Variants in DCC observed in about 807,000 individuals in gnomAD.
DCC encodes the protein netrin receptor DCC.
A neutral mutation model predicts 172.5 loss-of-function variants in DCC; 58 were observed. The observed-to-expected ratio is 0.34, with a 90% CI of 0.27 to 0.42. The LOEUF (loss-of-function observed/expected upper bound fraction) is 0.42. Ranked by LOEUF, DCC falls within the 10% of genes least tolerant of loss-of-function variation. DCC has a pLI of 1.00. For synonymous variants in DCC, 709 were observed against 644.5 expected (o/e 1.10, Z -1.52); for missense variants, 1,740 against 1,791.0 (o/e 0.97, Z 0.51).
intron 2 of DCC, among the ~76,000 whole-genome samples, chr18:52,834,281 T>C (rs8094748): frequency 0.44 from 66,725 of 151,742 alleles, 14,795 homozygotes; most frequent in South Asian, 0.55. Context: ...TCTCATATCT[T>C]AACGGAAACA....
chr18:52,416,406 G>C (rs1987031019), intron 1 of DCC, among the ~76,000 whole-genome samples: 1 of 152,082 alleles, frequency 6.6e-6, no homozygotes, highest in South Asian at 2.1e-4. Context: ...GTGCAGAGCT[G>C]AGTTCAATTC....
chr18:53,260,990 GA>G (rs2056591014), intron 12 of DCC, among the ~76,000 whole-genome samples: 2 of 152,110 alleles, frequency 1.3e-5, no homozygotes, highest in Non-Finnish European at 2.9e-5. Context: ...GTGGGCCTTG[GA>G]CCCTCCACGC....
chr18:52,368,587 A>G (rs964887601), intron 1 of DCC, among the ~76,000 whole-genome samples: 1 of 152,154 alleles, frequency 6.6e-6, no homozygotes, highest in Non-Finnish European at 1.5e-5. Context: ...AGTTGCTGAG[A>G]CTTACAAGTG....
chr18:52,642,014 G>GTA (rs1193018662), intron 1 of DCC, among the ~76,000 whole-genome samples: 1,182 of 34,468 alleles, frequency 0.034, 26 homozygotes, highest in African/African-American at 0.098. Context: ...GTGTGTGTGT[G>GTA]TATATATATA....
chr18:52,667,400 C>A (rs2035474822), intron 1 of DCC, among the ~76,000 whole-genome samples: 1 of 152,186 alleles, frequency 6.6e-6, no homozygotes, highest in East Asian at 1.9e-4. Flanking sequence ...GCCTTCCAAC[C>A]ATGACACGAG....
In DCC at chr18:53,339,825, T is replaced by G. The variant is rs2278339; in HGVS notation, c.2277T>G (p.Ile759Met). The change falls in exon 15 of 29, where the codon ATT becomes ATG. Residue 759 changes from isoleucine (I) to methionine (M), a missense_variant. Ile to Met is a conservative substitution (Grantham distance 10). Around this residue, in one of 2 missense-constraint regions of DCC, gnomAD observed 1,732 missense variants for 1,767.4 expected, o/e 0.98. Transcript: ENST00000442544. Reference protein sequence around the residue: ...LNPNIVVRGYIIGYGVGSPYA... With the variant: ...LNPNIVVRGYMIGYGVGSPYA... The stretch of plus-strand genomic sequence containing the variant: ...CAAACATCGTGGTGCGAGGTTATAT[T>G]ATCGGTTATGGCGTTGGGAGCCCTT... 8.4e-4 allele frequency: 1,354 copies of G among 1,614,034 alleles called. 26 individuals are homozygous for G. In the East Asian group the frequency reaches 0.027, roughly 32 times the overall value.
chr18:53,445,863 C>T (rs1395118208), intron 22 of DCC, among the ~76,000 whole-genome samples: 1 of 151,840 alleles, frequency 6.6e-6, no homozygotes, highest in Non-Finnish European at 1.5e-5. Flanking sequence ...ACATCTAGGT[C>T]TTGATTACTC....
In DCC at chr18:52,937,891, C is replaced by G. The variant is rs1411406051; in HGVS notation, c.985+12521C>G. Among the ~76,000 whole-genome samples, 3 of 152,028 alleles carry G rather than the reference C, an allele frequency of 2.0e-5. No individual in the cohort carries two copies. In the East Asian group the frequency reaches 5.8e-4, roughly 29 times the overall value. On this transcript the variant is annotated intron_variant, in intron 5 of 28. Coordinates refer to ENST00000442544, the MANE Select transcript of DCC (RefSeq NM_005215.4). ...ACACTTGAGGGTGTTATTGGGTAAG[C>G]GGCCATGACATATCATTCGGACTCT... is the stretch of plus-strand genomic sequence containing the variant.
intron 1 of DCC, among the ~76,000 whole-genome samples, chr18:52,656,938 G>A (rs1276154313): frequency 6.6e-6 from 1 of 152,078 alleles, no homozygotes; most frequent in African/African-American, 2.4e-5. Flanking sequence ...CTCTTGGACA[G>A]CATGCTGTCC....
At chr18:53,367,344 A>C (rs567394235) in intron 15 of DCC, among the ~76,000 whole-genome samples, 5 of 152,254 alleles carry the variant, frequency 3.3e-5, no homozygotes, top group African/African-American at 1.2e-4. Context: ...CAACAAAACA[A>C]TAAGAGTGCT....
rs555744489 is a variant in DCC at position 52,877,946 on chromosome 18, T to A, written c.413-28098T>A. On this transcript the variant is annotated intron_variant, in intron 2 of 28. Coordinates refer to ENST00000442544, the MANE Select transcript of DCC (RefSeq NM_005215.4). ...ATGATAATGTAAAGAGTATACTGTT[T>A]CCTGAGTATTTTGTTCCATTTCTAT... Among the ~76,000 whole-genome samples the A allele has an allele frequency of 2.0e-5, 3 of 152,236 alleles. 1 individual carries two copies. The highest frequency in any genetic ancestry group is 6.5e-5 in the Admixed American group (1 of 15,292).
chr18:52,988,313 G>A (rs953444483), intron 5 of DCC, among the ~76,000 whole-genome samples: 1 of 151,806 alleles, frequency 6.6e-6, no homozygotes, highest in African/African-American at 2.4e-5. Flanking sequence ...TTATTAAACA[G>A]AGATAAAACA....
chr18:53,383,565 A>G (rs1907926252), intron 15 of DCC, among the ~76,000 whole-genome samples: 1 of 149,050 alleles, frequency 6.7e-6, no homozygotes, highest in Non-Finnish European at 1.5e-5. Context: ...CATGTTTTCT[A>G]CTTTAAGAAT....
intron 1 of DCC, among the ~76,000 whole-genome samples, chr18:52,653,887 A>G (rs891233599): frequency 6.6e-6 from 1 of 152,132 alleles, no homozygotes; most frequent in Admixed American, 6.5e-5. Context: ...ATCTTCTTGC[A>G]TCTTAATTCA....
chr18:53,512,743 A>G (rs1448195421), intron 27 of DCC, among the ~76,000 whole-genome samples: 4 of 148,808 alleles, frequency 2.7e-5, no homozygotes, highest in Non-Finnish European at 5.9e-5. Flanking sequence ...AAATGAAGCA[A>G]GAAGGGAAGT....
intron 1 of DCC, among the ~76,000 whole-genome samples, chr18:52,688,740 C>T (rs79229980): frequency 6.6e-6 from 1 of 151,668 alleles, no homozygotes; most frequent in Non-Finnish European, 1.5e-5. Flanking sequence ...TATTTTATAC[C>T]ATCACATGTT....
At position 53,526,220 on chromosome 18, in the gene DCC, C is replaced by G. The variant is rs541801196; in HGVS notation, c.4112-397C>G. Among the ~76,000 whole-genome samples the G allele has an allele frequency of 1.1e-3, 165 of 152,228 alleles. 1 individual carries two copies. Among genetic ancestry groups the G allele is most frequent in the Middle Eastern group, 6.8e-3 (2 of 294 alleles). On this transcript the variant is annotated intron_variant, in intron 27 of 28. Transcript: ENST00000442544. ...ATCTCTTCTAACTCTGCAAATCTTC[C>G]TTGGTTCTGCTATGCAACTTAGGGC...
At chr18:52,987,108 C>A (rs927260262) in intron 5 of DCC, among the ~76,000 whole-genome samples, 1 of 152,134 alleles carries the variant, frequency 6.6e-6, no homozygotes, top group Non-Finnish European at 1.5e-5. Context: ...AGGCGTGAGA[C>A]TCCGCGCCTG....
chr18:52,826,698 C>T (rs1163809760), intron 2 of DCC, among the ~76,000 whole-genome samples: 3 of 151,948 alleles, frequency 2.0e-5, no homozygotes, highest in African/African-American at 4.8e-5. Flanking sequence ...AGGCTACTCT[C>T]GAACTCCTGA....
Sources: gnomAD v4.1 joint callset for allele counts (sites outside exome capture counted in the v4.1 genomes callset) on GRCh38, gnomAD v4.1.1 for gene constraint, gnomAD v4.1.1 regional missense constraint, MANE v1.5 for transcripts, NCBI Gene and HGNC (gene_info 2026-07-23, HGNC 2026-07-21) for gene names.